The following PDGFD variants were observed in gnomAD, a reference collection of about 807,000 sequenced individuals.
PDGFD encodes the protein platelet-derived growth factor D.
A neutral mutation model predicts 44.7 loss-of-function variants in PDGFD; 30 were observed. That is an observed-to-expected ratio of 0.67 (90% CI 0.50 to 0.91). The LOEUF (loss-of-function observed/expected upper bound fraction) is 0.91. PDGFD is among the 40% of genes least tolerant of loss of function. The probability of loss-of-function intolerance (pLI) is 0.00; values close to 1 mark genes in which losing one functional copy is unlikely to be tolerated. For missense variants in PDGFD, 445 were observed against 457.8 expected (o/e 0.97, Z 0.25); for synonymous variants, 173 against 168.4 (o/e 1.03, Z -0.21).
At chr11:104,135,905 A>T (rs1861996817) in intron 1 of PDGFD, among the ~76,000 whole-genome samples, 2 of 149,470 alleles carry the variant, frequency 1.3e-5, no homozygotes, top group South Asian at 4.2e-4. Flanking sequence ...GATAAAATAT[A>T]TTACACACCA....
At chr11:104,140,459 C>G (rs11226203) in intron 1 of PDGFD, among the ~76,000 whole-genome samples, 15,612 of 144,888 alleles carry the variant, frequency 0.11, 1,225 homozygotes, top group East Asian at 0.27. Context: ...ATCAACAATC[C>G]TCTGTTAAAA....
chr11:103,954,350 T>G (rs1858805035), intron 3 of PDGFD, among the ~76,000 whole-genome samples: 1 of 152,078 alleles, frequency 6.6e-6, no homozygotes. Flanking sequence ...AGCTAGAGAC[T>G]CTTGTCCTTT....
At chr11:103,922,788 C>A (rs1280315256) in intron 6 of PDGFD, among the ~76,000 whole-genome samples, 1 of 151,538 alleles carries the variant, frequency 6.6e-6, no homozygotes, top group Non-Finnish European at 1.5e-5. Context: ...CTATGTTGAC[C>A]CGGTTGATCT....
Position 103,944,260 on chromosome 11 carries a change from AT to A in PDGFD, c.574-611del, listed in dbSNP as rs897522396. Among the ~76,000 whole-genome samples the A allele has an allele frequency of 2.0e-5, 3 of 152,120 alleles. 1 individual carries two copies. The highest frequency in any genetic ancestry group is 4.4e-5 in the Non-Finnish European group (3 of 68,012). On this transcript the variant is annotated intron_variant, in intron 4 of 6. Coordinates refer to ENST00000393158, the MANE Select transcript of PDGFD (RefSeq NM_025208.5). ...AGGAGAGGATTCACATGGGGAACATATTTTTTTAAAGTGCTATAGTTTGCTA... is the reference window on the plus strand; with the variant it reads ...AGGAGAGGATTCACATGGGGAACATATTTTTTAAAGTGCTATAGTTTGCTA...
chr11:103,947,649 A>G lies in PDGFD; in HGVS notation c.573+13T>C. ...CGTTTCTTTTGCTGGCAACAGAGTA[A>G]TAAATTACTTACTGAAATAGAGCTT... On this transcript the variant is annotated intron_variant, in intron 4 of 6. Transcript: ENST00000393158. 1.2e-6 allele frequency: 2 copies of G among 1,609,428 alleles called. No homozygotes were observed. Among genetic ancestry groups the G allele is most frequent in the Non-Finnish European group, 1.7e-6 (2 of 1,175,918 alleles).
intron 3 of PDGFD, among the ~76,000 whole-genome samples, chr11:103,966,746 A>T (rs1005093912): frequency 1.3e-5 from 2 of 152,204 alleles, no homozygotes; most frequent in Non-Finnish European, 2.9e-5. Flanking sequence ...TAATTTTAAA[A>T]TGGGGCACCA....
chr11:104,118,866 T>C (rs1336650699), intron 1 of PDGFD, among the ~76,000 whole-genome samples: 4 of 76,168 alleles, frequency 5.3e-5, no homozygotes, highest in Non-Finnish European at 7.2e-5. Context: ...TAATATATTA[T>C]ATATTAATAT....
In PDGFD at chr11:104,127,453, G is replaced by A. The variant is rs558279406; in HGVS notation, c.124+36351C>T. On this transcript the variant is annotated intron_variant, in intron 1 of 6. Transcript: ENST00000393158. ...AGTGATGAAGCCAGATTCACTTTTT[G>A]AAGGGAATTGTGCTGTGGGGAAATC... is the stretch of plus-strand genomic sequence containing the variant. Among the ~76,000 whole-genome samples, 29 of 152,212 alleles carry A rather than the reference G, an allele frequency of 1.9e-4. No individual in the cohort carries two copies. In the South Asian group the frequency reaches 3.1e-3, roughly 16 times the overall value.
chr11:104,120,366 A>G (rs940798707), intron 1 of PDGFD, among the ~76,000 whole-genome samples: 4 of 151,828 alleles, frequency 2.6e-5, no homozygotes, highest in Non-Finnish European at 5.9e-5. Flanking sequence ...TCTTAGTTTA[A>G]AATCCTAGTT....
At chr11:104,105,221 G>T (rs1217148459) in intron 1 of PDGFD, among the ~76,000 whole-genome samples, 1 of 152,134 alleles carries the variant, frequency 6.6e-6, no homozygotes, top group African/African-American at 2.4e-5. Flanking sequence ...TCTCTGATTG[G>T]AATCTTCTGC....
intron 1 of PDGFD, among the ~76,000 whole-genome samples, chr11:104,155,007 T>C (rs1325314815): frequency 6.6e-6 from 1 of 152,226 alleles, no homozygotes; most frequent in Non-Finnish European, 1.5e-5. Flanking sequence ...TATGTTTTCA[T>C]CCAAGTTATT....
intron 1 of PDGFD, among the ~76,000 whole-genome samples, chr11:104,074,907 G>A (rs1860933261): frequency 1.3e-5 from 2 of 152,148 alleles, no homozygotes; most frequent in African/African-American, 4.8e-5. Flanking sequence ...TGTTTTGTGT[G>A]ACAGGTTTAT....
At chr11:104,128,707 A>ATAAGTGTCAACT (rs1861874434) in intron 1 of PDGFD, among the ~76,000 whole-genome samples, 1 of 152,284 alleles carries the variant, frequency 6.6e-6, no homozygotes, top group South Asian at 2.1e-4. Context: ...TTTTACCTCA[A>ATAAGTGTCAACT]TAAGTGTCAA....
intron 5 of PDGFD, 44 bp from the exon 6 acceptor site, chr11:103,927,170 G>C: frequency 1.3e-6 from 2 of 1,530,024 alleles, no homozygotes; most frequent in Non-Finnish European, 1.8e-6. Flanking sequence ...ACAACAGTAA[G>C]CACAATTGCT....
intron 1 of PDGFD, among the ~76,000 whole-genome samples, chr11:104,021,040 C>A (rs932326300): frequency 6.6e-6 from 1 of 152,126 alleles, no homozygotes; most frequent in African/African-American, 2.4e-5. Flanking sequence ...ACAATTTCAG[C>A]AAACTGAGTA....
chr11:104,096,777 T>C (rs1186269568), intron 1 of PDGFD, among the ~76,000 whole-genome samples: 1 of 152,140 alleles, frequency 6.6e-6, no homozygotes, highest in African/African-American at 2.4e-5. Flanking sequence ...TGGTGTAGAA[T>C]GTAAATTTGA....
intron 5 of PDGFD, among the ~76,000 whole-genome samples, chr11:103,942,253 G>A (rs1176047406): frequency 1.3e-5 from 2 of 151,992 alleles, no homozygotes; most frequent in Non-Finnish European, 2.9e-5. Flanking sequence ...CCAGCCTTTC[G>A]AGACCTTTTA....
Position 104,087,355 on chromosome 11 carries a change from C to G in PDGFD, c.124+76449G>C, listed in dbSNP as rs756838915. ...TTCCGAGTAGCTGGGATTACAGGCACCTGCCACCACGCCTGCCTAATTTTT... is the reference window on the plus strand; with the variant it reads ...TTCCGAGTAGCTGGGATTACAGGCAGCTGCCACCACGCCTGCCTAATTTTT... On this transcript the variant is annotated intron_variant, in intron 1 of 6. Coordinates refer to ENST00000393158, the MANE Select transcript of PDGFD (RefSeq NM_025208.5). 1.9e-4 allele frequency among the ~76,000 whole-genome samples: 29 copies of G among 152,000 alleles called. No homozygotes were observed. The East Asian group carries it at 2.9e-3, about 15-fold the overall frequency.
intron 3 of PDGFD, 126 bp from the exon 4 acceptor site, chr11:103,947,850 C>T (rs1858687469): frequency 2.8e-6 from 2 of 718,892 alleles, no homozygotes; most frequent in Non-Finnish European, 5.0e-6. Context: ...GGGCTATATT[C>T]CTGCTGAACA....
Sources: allele counts gnomAD v4.1 joint callset (sites outside exome capture counted in the v4.1 genomes callset), GRCh38; gene constraint gnomAD v4.1.1; transcripts MANE v1.5; gene names NCBI Gene and HGNC (gene_info 2026-07-23, HGNC 2026-07-21).